Variants in NRXN3 observed in about 807,000 individuals in gnomAD.
The protein encoded by NRXN3 is neurexin III.
NRXN3 carries 32 observed loss-of-function variants against 137.6 expected under a neutral mutation model. The observed-to-expected ratio is 0.23, with a 90% CI of 0.18 to 0.31. NRXN3 has a LOEUF of 0.31. Among genes scored for constraint, NRXN3 ranks in the 10% least tolerant of loss-of-function variants. The pLI is 1.00. For missense variants in NRXN3, 1,574 were observed against 2,062.5 expected (o/e 0.76, Z 4.59); for synonymous variants, 798 against 784.5 (o/e 1.02, Z -0.29).
chr14:79,531,285 G>A (rs1234139295), intron 16 of NRXN3, among the ~76,000 whole-genome samples: 1 of 152,156 alleles, frequency 6.6e-6, no homozygotes, highest in Non-Finnish European at 1.5e-5. Flanking sequence ...ATCCACAGAA[G>A]CATTTTGTTC....
At position 78,762,406 on chromosome 14, in the gene NRXN3, T is replaced by C. The variant is rs563730054; in HGVS notation, c.2045-41214T>C. On this transcript the variant is annotated intron_variant, in intron 8 of 20. Coordinates refer to ENST00000335750, the MANE Select transcript of NRXN3 (RefSeq NM_001330195.2). ...GCGTAGACTTGAATAGCAGCTCTTTTTCTTACCAGCGGGGACTTTGCCTCT... is the reference window on the plus strand; with the variant it reads ...GCGTAGACTTGAATAGCAGCTCTTTCTCTTACCAGCGGGGACTTTGCCTCT... 5.9e-5 allele frequency among the ~76,000 whole-genome samples: 9 copies of C among 152,328 alleles called. No individual in the cohort carries two copies. In the East Asian group the frequency reaches 1.7e-3, roughly 29 times the overall value.
At chr14:79,646,080 G>T (rs1567763443) in intron 16 of NRXN3, among the ~76,000 whole-genome samples, 1 of 135,984 alleles carries the variant, frequency 7.4e-6, no homozygotes, top group African/African-American at 2.5e-5. Flanking sequence ...CTAAATTGCA[G>T]GTTGTACTGC....
chr14:78,705,253 A>G (rs901766089), intron 6 of NRXN3, among the ~76,000 whole-genome samples: 4 of 152,242 alleles, frequency 2.6e-5, no homozygotes, highest in African/African-American at 7.2e-5. Context: ...ATTTGGGGAC[A>G]TTCATTTAGT....
chr14:78,728,296 G>A (rs1006608529), intron 8 of NRXN3, among the ~76,000 whole-genome samples: 14 of 152,224 alleles, frequency 9.2e-5, no homozygotes, highest in African/African-American at 3.4e-4. Flanking sequence ...AATTTATTTA[G>A]TTAGCAACTT....
chr14:79,462,890 G>GTATATGTATATGTACATACACATATA (rs568540345), intron 15 of NRXN3, among the ~76,000 whole-genome samples: 1 of 22,782 alleles, frequency 4.4e-5, no homozygotes, highest in South Asian at 1.1e-3. Flanking sequence ...ATACACATAT[G>GTATATGTATATGTACATACACATATA]TATGTATATG....
intron 15 of NRXN3, among the ~76,000 whole-genome samples, chr14:79,381,167 G>A (rs1446444328): frequency 1.3e-5 from 2 of 151,316 alleles, no homozygotes; most frequent in Non-Finnish European, 2.9e-5. Flanking sequence ...AGAATTCTGG[G>A]TGAACACGTT....
chr14:78,282,993 A>G (rs553958684), intron 3 of NRXN3: 2 of 152,286 alleles, frequency 1.3e-5, no homozygotes, highest in South Asian at 4.2e-4. Flanking sequence ...TTTGAGCCAC[A>G]CTGAGCTCAA....
chr14:79,388,748 T>A (rs1375517255), intron 15 of NRXN3, among the ~76,000 whole-genome samples: 1 of 152,006 alleles, frequency 6.6e-6, no homozygotes, highest in Non-Finnish European at 1.5e-5. Context: ...TTTTTGGCGG[T>A]GAGATGGTTT....
chr14:79,434,566 C>T (rs182710981), intron 15 of NRXN3, among the ~76,000 whole-genome samples: 23 of 152,304 alleles, frequency 1.5e-4, no homozygotes, highest in African/African-American at 2.6e-4. Flanking sequence ...GGTGCAGGTA[C>T]GATGGCGTAT....
chr14:79,533,058 G>A (rs1256491709), intron 16 of NRXN3, among the ~76,000 whole-genome samples: 2 of 139,092 alleles, frequency 1.4e-5, no homozygotes, highest in Non-Finnish European at 3.1e-5. Context: ...ATATTTACCT[G>A]CATCACAAAA....
At position 78,892,523 on chromosome 14, in the gene NRXN3, G is replaced by A. The variant is rs565993996; in HGVS notation, c.2276-64719G>A. 2.0e-5 allele frequency among the ~76,000 whole-genome samples: 3 copies of A among 151,920 alleles called. No homozygotes were observed. The East Asian group carries it at 5.8e-4, about 30-fold the overall frequency. On this transcript the variant is annotated intron_variant, in intron 10 of 20. Transcript: ENST00000335750. Reference sequence around the variant, plus strand: ...GCAGTCATTGAAGGTTTCTGAGTGGGGAAGAAGTGTGATCAAAACTACCTT... The same window carrying A: ...GCAGTCATTGAAGGTTTCTGAGTGGAGAAGAAGTGTGATCAAAACTACCTT...
At chr14:78,332,259 A>G (rs949203020) in intron 4 of NRXN3, among the ~76,000 whole-genome samples, 4 of 151,238 alleles carry the variant, frequency 2.6e-5, no homozygotes, top group African/African-American at 9.7e-5. Context: ...CTTCCTCCCC[A>G]TCATTGTTGC....
rs149303759 is a variant in NRXN3 at position 79,250,289 on chromosome 14, T to C, written c.3263-216932T>C. ...CAATGTGAAGGAGAGAAATATGATG[T>C]AGGCTTTGGGAACATGAAAGGTAGA... is the stretch of plus-strand genomic sequence containing the variant. On this transcript the variant is annotated intron_variant, in intron 15 of 20. Coordinates refer to ENST00000335750, the MANE Select transcript of NRXN3 (RefSeq NM_001330195.2). Among the ~76,000 whole-genome samples the C allele has an allele frequency of 6.8e-3, 1,031 of 152,230 alleles. 2 individuals carry two copies. Among genetic ancestry groups the C allele is most frequent in the Non-Finnish European group, 0.012 (802 of 68,020 alleles).
At chr14:78,670,457 C>T (rs562163475) in intron 6 of NRXN3, among the ~76,000 whole-genome samples, 81 of 152,314 alleles carry the variant, frequency 5.3e-4, no homozygotes, top group Non-Finnish European at 9.7e-4. Flanking sequence ...CATCCTGTGA[C>T]TTAGAATGCC....
intron 16 of NRXN3, among the ~76,000 whole-genome samples, chr14:79,500,768 G>C (rs2096818389): frequency 6.6e-6 from 1 of 152,176 alleles, no homozygotes; most frequent in South Asian, 2.1e-4. Flanking sequence ...TCAAATGGCA[G>C]AGAAGATATT....
intron 14 of NRXN3, among the ~76,000 whole-genome samples, chr14:78,973,199 A>C (rs2099450196): frequency 6.6e-6 from 1 of 152,150 alleles, no homozygotes; most frequent in Non-Finnish European, 1.5e-5. Context: ...TAAACATATT[A>C]ATTTACTCTG....
chr14:78,617,924 A>C (rs1601439695), intron 4 of NRXN3, among the ~76,000 whole-genome samples: 1 of 148,032 alleles, frequency 6.8e-6, no homozygotes, highest in Admixed American at 6.7e-5. Flanking sequence ...AATGGCAAAA[A>C]CCGCAATTAC....
chr14:79,013,631 T>C (rs77572726), intron 15 of NRXN3, among the ~76,000 whole-genome samples: 13,597 of 152,280 alleles, frequency 0.089, 1,054 homozygotes, highest in Admixed American at 0.27. Context: ...TTGCTTTCCC[T>C]TTAATAATTC....
intron 15 of NRXN3, among the ~76,000 whole-genome samples, chr14:79,034,204 C>G (rs184254560): frequency 1.5e-4 from 23 of 152,124 alleles, no homozygotes; most frequent in Non-Finnish European, 1.8e-4. Context: ...GACTCTTATG[C>G]TCCCTCATGT....
Sources: gnomAD v4.1 joint callset for allele counts (sites outside exome capture counted in the v4.1 genomes callset) on GRCh38, gnomAD v4.1.1 for gene constraint, MANE v1.5 for transcripts, NCBI Gene and HGNC (gene_info 2026-07-23, HGNC 2026-07-21) for gene names.